Variants in PPFIA2 observed in about 807,000 individuals in gnomAD.
PPFIA2 encodes PPFI scaffold protein A2.
A neutral mutation model predicts 175.5 loss-of-function variants in PPFIA2; 46 were observed. That is an observed-to-expected ratio of 0.26 (90% confidence interval 0.21 to 0.34). The LOEUF is 0.34. Among genes scored for constraint, PPFIA2 ranks in the 10% least tolerant of loss-of-function variants. PPFIA2 has a pLI of 1.00. For synonymous variants in PPFIA2, 568 were observed against 511.4 expected, an observed-to-expected ratio of 1.11 and a Z score of -1.49; for missense variants, 1,179 against 1,506.1, an observed-to-expected ratio of 0.78 and a Z score of 3.60.
chr12:81,321,397 T>C (rs1353556266), intron 22 of PPFIA2, among the ~76,000 whole-genome samples: 2 of 152,166 alleles, frequency 1.3e-5, no homozygotes, highest in African/African-American at 2.4e-5. Flanking sequence ...ACACTGATGA[T>C]TCAAAACTTG....
chr12:81,302,235 G>T, intron 22 of PPFIA2: 1 of 402,406 alleles, frequency 2.5e-6, no homozygotes, highest in East Asian at 7.7e-5. Flanking sequence ...TTTTTTTCTT[G>T]CATCTTACCT....
chr12:81,524,626 CATATCTGATTTAGATAATATTTAGATGAG>C (rs1473536404), intron 4 of PPFIA2, among the ~76,000 whole-genome samples: 1 of 152,154 alleles, frequency 6.6e-6, no homozygotes, highest in Non-Finnish European at 1.5e-5. Context: ...GAGTCTCATC[CATATCTGATTTAGATAATATTTAGATGAG>C]ATGTGAACTT....
chr12:81,364,536 A>G (rs931739452), intron 14 of PPFIA2, among the ~76,000 whole-genome samples: 16 of 151,726 alleles, frequency 1.1e-4, no homozygotes, highest in Admixed American at 9.2e-4. Context: ...ACAGGTGTGC[A>G]CCACTGCACC....
At position 81,284,257 on chromosome 12, in the gene PPFIA2, G is replaced by A; in HGVS notation, c.2972C>T (p.Ala991Val). ...WVTHEEMENLAAPAKTKESEE... is the reference protein window; with the variant it reads ...WVTHEEMENLVAPAKTKESEE... ...AAGACTAACCGTTTTTGCTGGAGCT[G>A]CAAGATTTTCCATTTCTTCATGAGT... The change falls in exon 25 of 33, where the codon GCA (alanine) becomes GTA (valine). Residue 991 changes from alanine (A) to valine (V), a missense_variant. By Grantham distance (64) the Ala-to-Val change is moderately conservative. Coordinates refer to ENST00000549396, the MANE Select transcript of PPFIA2 (RefSeq NM_003625.5). The A allele has an allele frequency of 6.3e-7, 1 of 1,595,782 alleles. No homozygotes were observed. Among genetic ancestry groups the A allele is most frequent in the South Asian group, 1.1e-5 (1 of 88,994 alleles).
chr12:81,350,220 G>T (rs1023610561), intron 17 of PPFIA2, among the ~76,000 whole-genome samples: 15 of 152,146 alleles, frequency 9.9e-5, no homozygotes, highest in Non-Finnish European at 1.8e-4. Context: ...TCGACCATTA[G>T]CTGAACAGCC....
intron 4 of PPFIA2, among the ~76,000 whole-genome samples, chr12:81,567,139 C>T (rs1194024272): frequency 3.3e-5 from 5 of 152,278 alleles, no homozygotes; most frequent in East Asian, 1.9e-4. Flanking sequence ...CTCTGCCTCC[C>T]GGGATTCACG....
chr12:81,381,406 T>A (rs967953274), intron 9 of PPFIA2, among the ~76,000 whole-genome samples: 1 of 152,120 alleles, frequency 6.6e-6, no homozygotes, highest in Non-Finnish European at 1.5e-5. Flanking sequence ...GGAGTTATTT[T>A]TAAATAGGCA....
intron 4 of PPFIA2, among the ~76,000 whole-genome samples, chr12:81,542,931 T>C (rs928597995): frequency 2.8e-4 from 43 of 152,212 alleles, no homozygotes; most frequent in Non-Finnish European, 2.6e-4. Context: ...TACTTTTCCA[T>C]TGGATAAGGA....
chr12:81,309,542 C>T (rs868801731), intron 22 of PPFIA2, among the ~76,000 whole-genome samples: 3 of 151,984 alleles, frequency 2.0e-5, no homozygotes, highest in African/African-American at 7.2e-5. Flanking sequence ...CAAGTGCAAG[C>T]GTGTGTGCCT....
chr12:81,704,784 T>C lies in PPFIA2; in HGVS notation c.250-27940A>G, dbSNP rs962535734. Reference sequence around the variant, plus strand: ...CTTAAATATAATATATAAATATTTATTAAGAACCTATCTTGTGGGCTGGGC... The same window carrying C: ...CTTAAATATAATATATAAATATTTACTAAGAACCTATCTTGTGGGCTGGGC... On this transcript the variant is annotated intron_variant, in intron 3 of 32. Transcript: ENST00000549396. 2.0e-5 allele frequency among the ~76,000 whole-genome samples: 3 copies of C among 151,932 alleles called. No individual in the cohort carries two copies. In the South Asian group the frequency reaches 6.2e-4, roughly 31 times the overall value.
chr12:81,541,123 T>C (rs2066144334), intron 4 of PPFIA2, among the ~76,000 whole-genome samples: 1 of 152,164 alleles, frequency 6.6e-6, no homozygotes, highest in Non-Finnish European at 1.5e-5. Context: ...CATTAAGTTT[T>C]AAAATTTATC....
intron 6 of PPFIA2, among the ~76,000 whole-genome samples, chr12:81,442,796 GTTGT>G (rs1322836910): frequency 8.3e-6 from 1 of 120,504 alleles, no homozygotes; most frequent in Non-Finnish European, 1.7e-5. Context: ...CTATGATAAA[GTTGT>G]TTGTTTCCTG....
intron 4 of PPFIA2, among the ~76,000 whole-genome samples, chr12:81,645,503 C>A (rs9804711): frequency 0.58 from 88,845 of 152,026 alleles, 27,605 homozygotes; most frequent in East Asian, 0.79. Context: ...ATTTCTACTT[C>A]GGATGTAAAA....
chr12:81,639,012 A>G (rs1428778570), intron 4 of PPFIA2, among the ~76,000 whole-genome samples: 1 of 151,806 alleles, frequency 6.6e-6, no homozygotes, highest in Non-Finnish European at 1.5e-5. Flanking sequence ...TTTCTTTCCC[A>G]CTTTAATATA....
At chr12:81,758,579 C>CGGTG (rs1597293903) in intron 1 of PPFIA2, 72 bp from the exon 2 acceptor site, 2 of 364,250 alleles carry the variant, frequency 5.5e-6, no homozygotes, top group East Asian at 1.6e-4. Context: ...TGCCCCGGCC[C>CGGTG]GGTGGCGTGG....
At chr12:81,549,100 C>T (rs1221961814) in intron 4 of PPFIA2, among the ~76,000 whole-genome samples, 2 of 152,192 alleles carry the variant, frequency 1.3e-5, no homozygotes, top group East Asian at 1.9e-4. Context: ...AATCATTTCT[C>T]CCATCTGTCC....
At chr12:81,401,073 T>G (rs912764809) in intron 8 of PPFIA2, among the ~76,000 whole-genome samples, 14 of 152,164 alleles carry the variant, frequency 9.2e-5, no homozygotes, top group Non-Finnish European at 1.8e-4. Context: ...CTTTAATGTC[T>G]TCACCACTCA....
intron 4 of PPFIA2, among the ~76,000 whole-genome samples, chr12:81,620,396 T>C (rs1380471368): frequency 2.0e-5 from 3 of 152,082 alleles, no homozygotes; most frequent in African/African-American, 7.2e-5. Context: ...TTCCTCTGGA[T>C]CCAGAAGGGA....
intron 21 of PPFIA2, among the ~76,000 whole-genome samples, chr12:81,335,684 A>G (rs1366494445): frequency 1.3e-5 from 2 of 151,542 alleles, no homozygotes; most frequent in Non-Finnish European, 2.9e-5. Context: ...CGGAGGTTGC[A>G]GTGAGCCGAG....
Sources: allele counts gnomAD v4.1 joint callset (sites outside exome capture counted in the v4.1 genomes callset), GRCh38; gene constraint gnomAD v4.1.1; transcripts MANE v1.5; gene names NCBI Gene and HGNC (gene_info 2026-07-23, HGNC 2026-07-21).